Variants in PROSER1 observed in about 807,000 individuals in gnomAD.
The protein encoded by PROSER1 is proline and serine rich 1.
PROSER1 carries 36 observed loss-of-function variants against 71.8 expected under a neutral mutation model. The ratio of observed to expected loss-of-function variants is 0.50; its 90% CI spans 0.38 to 0.66. PROSER1 has a LOEUF of 0.66. PROSER1 is among the 30% of genes least tolerant of loss of function. PROSER1 has a pLI of 0.00. For missense variants in PROSER1, 1,107 were observed against 1,135.0 expected (o/e 0.98, Z 0.35); for synonymous variants, 490 against 452.4 (o/e 1.08, Z -1.06).
Position 39,012,697 on chromosome 13 carries a change from T to C in PROSER1, c.2555A>G (p.Gln852Arg). The change falls in exon 11 of 13, where the codon CAA becomes CGA. Residue 852 changes from glutamine to arginine, a missense_variant. Coordinates refer to ENST00000352251, the MANE Select transcript of PROSER1 (RefSeq NM_025138.5). ...SSNFNSALVA[Q>R]AGLSSGLQAA... is the part of the protein sequence containing the mutation. ...TTCCAAACTATCCACATACCCGGCT[T>C]GTGCAACAAGAGCGGAGTTGAAATT... 1.9e-6 allele frequency: 3 copies of C among 1,570,696 alleles called. No individual in the cohort carries two copies. Among genetic ancestry groups the C allele is most frequent in the Non-Finnish European group, 2.6e-6 (3 of 1,159,490 alleles).
Position 39,011,082 on chromosome 13 carries a change from T to C in PROSER1, c.*283A>G, listed in dbSNP as rs748988289. ...AACCTACTCTTTAATATTCTTTCTA[T>C]GTAGATCACATACACAATTCAAAAT... On this transcript the variant is annotated 3_prime_UTR_variant, in exon 13 of 13. Coordinates refer to ENST00000352251, the MANE Select transcript of PROSER1 (RefSeq NM_025138.5). The C allele has an allele frequency of 2.5e-5, 8 of 324,306 alleles. No individual in the cohort carries two copies. The highest frequency in any genetic ancestry group is 4.0e-5 in the Non-Finnish European group (7 of 173,336). The allele number at this position is 324,306 out of a possible 1,614,324, so 20.1% of individuals were successfully genotyped here. A position where few individuals can be genotyped will look rare whatever the true frequency, so the allele number is the denominator to read the frequency against.
intron 11 of PROSER1, 48 bp downstream of exon 11, chr13:39,012,642 CA>C (rs747305560): frequency 7.4e-7 from 1 of 1,360,516 alleles, no homozygotes; most frequent in Non-Finnish European, 1.0e-6. Context: ...ATGTGAACTA[CA>C]AGTTAGGTGA....
chr13:39,011,393 G>C lies in PROSER1; in HGVS notation c.2807C>G (p.Pro936Arg). 6.2e-7 allele frequency: 1 copy of C among 1,614,146 alleles called. No individual in the cohort carries two copies. Among genetic ancestry groups the C allele is most frequent in the Non-Finnish European group, 8.5e-7 (1 of 1,179,990 alleles). ...CTGCCACCCACTCTGGGACAGGCTT[G>C]GTTGCAAAGAAAATGGTGTTCCTGG... ...SAPGTPFSLQ[P>R]SLSQSGWQ is the part of the protein sequence containing the mutation. Residue 936 changes from proline (P) to arginine (R), a missense_variant, in exon 13 of 13, where the codon CCA (proline) becomes CGA (arginine). By Grantham distance (103) the Pro-to-Arg change is moderately radical. Coordinates refer to ENST00000352251, the MANE Select transcript of PROSER1 (RefSeq NM_025138.5).
In PROSER1 at chr13:39,011,104, A is replaced by G. The variant is rs1869623026; in HGVS notation, c.*261T>C. ...CTATGTAGATCACATACACAATTCA[A>G]AATTTTATAGGACAGGTGAAAAGTC... On this transcript the variant is annotated 3_prime_UTR_variant, in exon 13 of 13. Coordinates refer to ENST00000352251, the MANE Select transcript of PROSER1 (RefSeq NM_025138.5). The G allele has an allele frequency of 2.6e-6, 1 of 381,534 alleles. No individual in the cohort carries two copies. Among genetic ancestry groups the G allele is most frequent in the African/African-American group, 2.1e-5 (1 of 47,640 alleles). 23.6% of individuals were successfully genotyped at this position (381,534 alleles called of 1,614,324 possible).
intron 4 of PROSER1, 93 bp downstream of exon 4, chr13:39,029,188 T>C (rs994425026): frequency 1.2e-5 from 8 of 670,922 alleles, no homozygotes; most frequent in Non-Finnish European, 2.0e-5. Flanking sequence ...CTGTATTTTG[T>C]TAGACACATT....
chr13:39,029,247 T>TAAAAA lies in PROSER1; in HGVS notation c.275+29_275+33dup, dbSNP rs34146778. 2,072 of 743,452 alleles carry TAAAAA rather than the reference T, an allele frequency of 2.8e-3. 53 individuals are homozygous for TAAAAA. In the African/African-American group the frequency reaches 0.045, roughly 16 times the overall value. 46.1% of individuals were successfully genotyped at this position (743,452 alleles called of 1,614,324 possible). On this transcript the variant is annotated intron_variant, in intron 4 of 12. Coordinates refer to ENST00000352251, the MANE Select transcript of PROSER1 (RefSeq NM_025138.5). ...AAACGCTTCTACATTTTTTCCCAAG[T>TAAAAA]AAAAAAAAAAAAAAAAAAAAAAGAA...
intron 9 of PROSER1, among the ~76,000 whole-genome samples, chr13:39,018,282 G>A (rs975242489): frequency 6.6e-6 from 1 of 152,088 alleles, no homozygotes; most frequent in Non-Finnish European, 1.5e-5. Context: ...ACCTCTTATG[G>A]CTTGACAATA....
At chr13:39,012,449 A>G in intron 11 of PROSER1, 3 of 653,776 alleles carry the variant, frequency 4.6e-6, no homozygotes, top group Admixed American at 6.3e-5. Flanking sequence ...TGTTTTGCAT[A>G]TAATCCTTTC....
chr13:39,011,176 A>G lies in PROSER1; in HGVS notation c.*189T>C, dbSNP rs1220771387. On this transcript the variant is annotated 3_prime_UTR_variant, in exon 13 of 13. Coordinates refer to ENST00000352251, the MANE Select transcript of PROSER1 (RefSeq NM_025138.5). ...ATTCTCCATACAATTTATTGTCAGC[A>G]TATTTACATAGGGGAGTGTTCACAC... The G allele has an allele frequency of 1.6e-6, 1 of 606,368 alleles. No individual in the cohort carries two copies. Among genetic ancestry groups the G allele is most frequent in the African/African-American group, 1.9e-5 (1 of 53,906 alleles). 37.6% of individuals were successfully genotyped at this position (606,368 alleles called of 1,614,324 possible).
At chr13:39,037,098 T>A in intron 1 of PROSER1, 100 bp downstream of exon 1, 1 of 898,008 alleles carries the variant, frequency 1.1e-6, no homozygotes, top group Non-Finnish European at 1.8e-6. Flanking sequence ...TTGGCAATCC[T>A]AGGACCCTTA....
intron 2 of PROSER1, among the ~76,000 whole-genome samples, chr13:39,033,447 C>T (rs1458740218): frequency 7.2e-5 from 11 of 152,200 alleles, no homozygotes. Flanking sequence ...TTTACTAACT[C>T]AATATATACA....
Position 39,013,070 on chromosome 13 carries a change from T to C in PROSER1, c.2182A>G (p.Thr728Ala). 6.2e-7 allele frequency: 1 copy of C among 1,613,936 alleles called. No individual in the cohort carries two copies. Among genetic ancestry groups the C allele is most frequent in the Non-Finnish European group, 8.5e-7 (1 of 1,179,988 alleles). ...SVSLPGSLIA[T>A]SSTAATSTSL... The stretch of plus-strand genomic sequence containing the variant: ...GTGGAGGTGGCAGCGGTAGATGAGG[T>C]GGCTATTAATGACCCTGGGAGAGAT... Residue 728 changes from threonine to alanine, a missense_variant, in exon 11 of 13, where the codon ACC (threonine) becomes GCC (alanine). Coordinates refer to ENST00000352251, the MANE Select transcript of PROSER1 (RefSeq NM_025138.5).
intron 3 of PROSER1, among the ~76,000 whole-genome samples, chr13:39,030,715 C>T (rs1870796546): frequency 6.6e-6 from 1 of 152,074 alleles, no homozygotes; most frequent in African/African-American, 2.4e-5. Flanking sequence ...GGCTTGGCCA[C>T]CACCCCAAGC....
chr13:39,014,455 T>C lies in PROSER1; in HGVS notation c.797A>G (p.Gln266Arg). 1 of 1,608,754 alleles carries C rather than the reference T, an allele frequency of 6.2e-7. No homozygotes were observed. Among genetic ancestry groups the C allele is most frequent in the South Asian group, 1.1e-5 (1 of 90,868 alleles). The change falls in exon 11 of 13, where the codon CAA becomes CGA. Residue 266 changes from glutamine (Q) to arginine (R), a missense_variant. Gln to Arg is a conservative substitution (Grantham distance 43). Coordinates refer to ENST00000352251, the MANE Select transcript of PROSER1 (RefSeq NM_025138.5). Reference protein sequence around the residue: ...QNQTFSTPASQLFSPHGSNPS... With the variant: ...QNQTFSTPASRLFSPHGSNPS... ...ATTAGAACCATGAGGAGAAAAGAGT[T>C]GACTTGCTGGGGTGGAAAATGCTAT... is the stretch of plus-strand genomic sequence containing the variant.
chr13:39,026,635 T>G (rs1870558498), intron 5 of PROSER1, among the ~76,000 whole-genome samples: 1 of 152,184 alleles, frequency 6.6e-6, no homozygotes, highest in Non-Finnish European at 1.5e-5. Flanking sequence ...GTCTTCACAG[T>G]AGATTTTGTA....
rs116335234 is a variant in PROSER1 at position 39,035,065 on chromosome 13, C to T, written c.46-869G>A. Among the ~76,000 whole-genome samples, 652 of 152,258 alleles carry T rather than the reference C, an allele frequency of 4.3e-3. 9 individuals are homozygous for T. The highest frequency in any genetic ancestry group is 0.015 in the African/African-American group (631 of 41,540). On this transcript the variant is annotated intron_variant, in intron 1 of 12. Transcript: ENST00000352251. ...AAATGAACTAATCCCTTTGCTTGTA[C>T]TATAAAATAATTTTAATATTCATAT...
intron 10 of PROSER1, among the ~76,000 whole-genome samples, chr13:39,016,704 G>T (rs1482277168): frequency 6.6e-6 from 1 of 152,164 alleles, no homozygotes; most frequent in African/African-American, 2.4e-5. Context: ...GGTGATGCCA[G>T]AGGCAGGATA....
At position 39,037,232 on chromosome 13, in the gene PROSER1, T is replaced by G; in HGVS notation, c.11A>C (p.Lys4Thr). 6.2e-7 allele frequency: 1 copy of G among 1,609,602 alleles called. No homozygotes were observed. Among genetic ancestry groups the G allele is most frequent in the Non-Finnish European group, 8.5e-7 (1 of 1,175,886 alleles). The change falls in exon 1 of 13, where the codon AAG becomes ACG. Residue 4 changes from lysine (K) to threonine (T), a missense_variant. Transcript: ENST00000352251. ...TTCATCCAGCACCATTTCAAAGGACTTTTTATCCATCTTGACTACTATCCC... is the reference window on the plus strand; with the variant it reads ...TTCATCCAGCACCATTTCAAAGGACGTTTTATCCATCTTGACTACTATCCC... MDK[K>T]SFEMVLDEIR...
chr13:39,037,295 G>A lies in PROSER1; in HGVS notation c.-53C>T. 2 of 1,305,332 alleles carry A rather than the reference G, an allele frequency of 1.5e-6. No homozygotes were observed. The highest frequency in any genetic ancestry group is 1.2e-5 in the South Asian group (1 of 84,676). 80.9% of individuals were successfully genotyped at this position (1,305,332 alleles called of 1,614,324 possible). On this transcript the variant is annotated 5_prime_UTR_variant, in exon 1 of 13. The change creates a new upstream start codon in the 5' untranslated region. Transcript: ENST00000352251. ...ACAGTTATACTTGCAATTAAAAGAC[G>A]TTCATCCCTGGTCTGCTCCGCCGAT... is the stretch of plus-strand genomic sequence containing the variant.
Sources: allele counts gnomAD v4.1 joint callset (sites outside exome capture counted in the v4.1 genomes callset), GRCh38; gene constraint gnomAD v4.1.1; transcripts MANE v1.5; gene names NCBI Gene and HGNC (gene_info 2026-07-23, HGNC 2026-07-21).